Variants in CADPS observed in about 807,000 individuals in gnomAD.
The protein encoded by CADPS is calcium dependent secretion activator.
In CADPS, 57 loss-of-function variants were observed where a neutral mutation model predicts 167.3. That is an observed-to-expected ratio of 0.34 (90% CI 0.28 to 0.42). The LOEUF (loss-of-function observed/expected upper bound fraction) is 0.42. CADPS is among the 20% of genes least tolerant of loss of function. The pLI, the probability that CADPS is intolerant of heterozygous loss-of-function variation, is 1.00. For missense variants in CADPS, 1,414 were observed against 1,738.1 expected (o/e 0.81, Z 3.32); for synonymous variants, 676 against 635.3 (o/e 1.06, Z -0.96).
intron 3 of CADPS, among the ~76,000 whole-genome samples, chr3:62,737,058 A>G (rs959756537): frequency 6.6e-6 from 1 of 151,860 alleles, no homozygotes; most frequent in African/African-American, 2.4e-5. Flanking sequence ...GAATCACTTG[A>G]ACCCTGGAGG....
chr3:62,828,132 A>G (rs555799489), intron 1 of CADPS, among the ~76,000 whole-genome samples: 2 of 152,252 alleles, frequency 1.3e-5, no homozygotes, highest in South Asian at 4.1e-4. Flanking sequence ...CTGCCCAGTC[A>G]TGGTCATTCA....
intron 2 of CADPS, among the ~76,000 whole-genome samples, chr3:62,764,226 C>T (rs942656952): frequency 2.0e-5 from 3 of 152,122 alleles, no homozygotes; most frequent in Non-Finnish European, 4.4e-5. Flanking sequence ...TAATTTCATT[C>T]CCAGGCAGTT....
intron 6 of CADPS, among the ~76,000 whole-genome samples, chr3:62,635,722 G>C (rs1318546115): frequency 6.6e-6 from 1 of 150,792 alleles, no homozygotes; most frequent in Non-Finnish European, 1.5e-5. Context: ...GCCTCATCTA[G>C]ATGGAGAGAT....
intron 3 of CADPS, among the ~76,000 whole-genome samples, chr3:62,671,033 C>A (rs1333961422): frequency 6.6e-6 from 1 of 152,210 alleles, no homozygotes; most frequent in Non-Finnish European, 1.5e-5. Context: ...TGCTCTGCCA[C>A]TTTCCAGCTC....
intron 3 of CADPS, among the ~76,000 whole-genome samples, chr3:62,735,309 A>G (rs1464445019): frequency 6.6e-6 from 1 of 152,142 alleles, no homozygotes; most frequent in South Asian, 2.1e-4. Flanking sequence ...TGTTAAGTGT[A>G]TGTATTTCAG....
intron 3 of CADPS, among the ~76,000 whole-genome samples, chr3:62,713,135 A>G (rs142528263): frequency 6.6e-6 from 1 of 152,346 alleles, no homozygotes; most frequent in Non-Finnish European, 1.5e-5. Context: ...AGATATTGTG[A>G]ACATTATGTA....
chr3:62,805,958 G>A (rs544380), intron 1 of CADPS, among the ~76,000 whole-genome samples: 142,425 of 152,186 alleles, frequency 0.94, 66,684 homozygotes, highest in East Asian at 1. Flanking sequence ...CCCTGCCTCT[G>A]CAAACTATGG....
chr3:62,717,258 T>A (rs978619476), intron 3 of CADPS, among the ~76,000 whole-genome samples: 4 of 152,226 alleles, frequency 2.6e-5, no homozygotes, highest in African/African-American at 9.6e-5. Context: ...TGCTGTTGTA[T>A]TAAACACATC....
chr3:62,870,067 T>C (rs1200922905), intron 1 of CADPS, among the ~76,000 whole-genome samples: 1 of 152,172 alleles, frequency 6.6e-6, no homozygotes, highest in Non-Finnish European at 1.5e-5. Flanking sequence ...CCTTTCATGG[T>C]ATTCCGCATC....
chr3:62,539,530 A>G (rs1286459269), intron 11 of CADPS, among the ~76,000 whole-genome samples: 1 of 152,068 alleles, frequency 6.6e-6, no homozygotes, highest in East Asian at 1.9e-4. Flanking sequence ...TGTTATAAAA[A>G]AAAAAAGAAG....
rs561601235 is a variant in CADPS, at chr3:62,703,547, C to A, written c.889-41153G>T. Among the ~76,000 whole-genome samples the A allele has an allele frequency of 2.0e-5, 3 of 152,248 alleles. No homozygotes were observed. In the East Asian group the frequency reaches 5.8e-4, roughly 29 times the overall value. On this transcript the variant is annotated intron_variant, in intron 3 of 29. Coordinates refer to ENST00000383710, the MANE Select transcript of CADPS (RefSeq NM_003716.4). ...CCTGCCAGGAAGCTAAAATTGAATT[C>A]TAACGCCAGTTTTTTCTTCAGTGGG...
chr3:62,534,716 G>A (rs1192451095), intron 12 of CADPS, among the ~76,000 whole-genome samples: 1 of 151,954 alleles, frequency 6.6e-6, no homozygotes, highest in South Asian at 2.1e-4. Flanking sequence ...AAAACTAACT[G>A]AAAAAAAGAT....
At chr3:62,443,980 G>A (rs1055495269) in intron 27 of CADPS, among the ~76,000 whole-genome samples, 4 of 152,074 alleles carry the variant, frequency 2.6e-5, no homozygotes, top group Non-Finnish European at 4.4e-5. Context: ...TTATTAGATC[G>A]AATCATATGA....
chr3:62,803,489 G>T (rs2093904740), intron 1 of CADPS, among the ~76,000 whole-genome samples: 1 of 152,164 alleles, frequency 6.6e-6, no homozygotes, highest in East Asian at 1.9e-4. Context: ...GTGGGTAGAA[G>T]GCTGTGTTGC....
intron 1 of CADPS, among the ~76,000 whole-genome samples, chr3:62,814,186 T>C (rs1486016150): frequency 6.6e-6 from 1 of 152,122 alleles, no homozygotes; most frequent in Admixed American, 6.6e-5. Context: ...TCAAACTCAT[T>C]GTTTTCTGGG....
intron 6 of CADPS, among the ~76,000 whole-genome samples, chr3:62,620,781 A>G (rs1485102826): frequency 1.3e-5 from 2 of 152,138 alleles, no homozygotes; most frequent in East Asian, 3.9e-4. Flanking sequence ...TTGCTCTCCC[A>G]TTAGAGCTGG....
intron 1 of CADPS, among the ~76,000 whole-genome samples, chr3:62,813,490 A>T (rs1371605601): frequency 3.9e-5 from 6 of 152,156 alleles, no homozygotes; most frequent in African/African-American, 9.7e-5. Flanking sequence ...CTTAACTGTA[A>T]GTCCTAAAAT....
In CADPS at chr3:62,602,100, T is replaced by G. The variant is rs1456578473; in HGVS notation, c.1326-9352A>C. ...TCCCCCCATGAACAAAAAACAACAT[T>G]TGCCACATAGGGAATATACCTCCCA... is the stretch of plus-strand genomic sequence containing the variant. On this transcript the variant is annotated intron_variant, in intron 6 of 29. Coordinates refer to ENST00000383710, the MANE Select transcript of CADPS (RefSeq NM_003716.4). This position sits in a 1 kb window ranked among gnomAD's most constrained non-coding sequence, Gnocchi z 4.4. 6.6e-6 allele frequency among the ~76,000 whole-genome samples: 1 copy of G among 152,068 alleles called. No individual in the cohort carries two copies. Among genetic ancestry groups the G allele is most frequent in the Non-Finnish European group, 1.5e-5 (1 of 68,016 alleles).
At chr3:62,711,828 T>C (rs2083446814) in intron 3 of CADPS, among the ~76,000 whole-genome samples, 1 of 152,246 alleles carries the variant, frequency 6.6e-6, no homozygotes, top group African/African-American at 2.4e-5. Flanking sequence ...TATGCATGAC[T>C]GAACAATTTA....
Sources: allele counts gnomAD v4.1 joint callset (sites outside exome capture counted in the v4.1 genomes callset), GRCh38; gene constraint gnomAD v4.1.1; non-coding constraint Gnocchi (gnomAD v3.1); transcripts MANE v1.5; gene names NCBI Gene and HGNC (gene_info 2026-07-23, HGNC 2026-07-21).